Variants in COG7 observed in about 807,000 individuals in gnomAD.
COG7 encodes the protein component of oligomeric golgi complex 7.
COG7 carries 49 observed loss-of-function variants against 91.5 expected under a neutral mutation model. The observed-to-expected ratio is 0.54, with a 90% CI of 0.43 to 0.68. The LOEUF (loss-of-function observed/expected upper bound fraction) is 0.68, where lower values mean the gene tolerates loss of function less well. Ranked by LOEUF, COG7 falls within the 30% of genes least tolerant of loss-of-function variation. The pLI, the probability that COG7 is intolerant of heterozygous loss-of-function variation, is 0.00. For synonymous variants in COG7, 365 were observed against 388.7 expected, an observed-to-expected ratio of 0.94 and a Z score of 0.72; for missense variants, 895 against 961.3, an observed-to-expected ratio of 0.93 and a Z score of 0.91.
chr16:23,444,622 G>A (rs1006094388), intron 3 of COG7, among the ~76,000 whole-genome samples: 1 of 150,624 alleles, frequency 6.6e-6, no homozygotes, highest in Non-Finnish European at 1.5e-5. Flanking sequence ...TCCCACCTCA[G>A]CCTCCTGAGT....
intron 1 of COG7, among the ~76,000 whole-genome samples, chr16:23,448,654 G>A (rs962588385): frequency 2.6e-5 from 4 of 151,936 alleles, no homozygotes; most frequent in Non-Finnish European, 4.4e-5. Context: ...CCTGGACTAC[G>A]CCTTCTTATA....
intron 9 of COG7, chr16:23,416,259 C>T (rs532697280): frequency 3.3e-5 from 5 of 152,540 alleles, no homozygotes; most frequent in Admixed American, 1.3e-4. Flanking sequence ...GAACTCCTGA[C>T]CTCAAGTGAT....
chr16:23,447,978 A>G (rs959940959), intron 1 of COG7, among the ~76,000 whole-genome samples: 5 of 152,128 alleles, frequency 3.3e-5, no homozygotes, highest in African/African-American at 1.2e-4. Context: ...CCAATCCAAC[A>G]CTGGGTCTTG....
In COG7 at chr16:23,392,425, G is replaced by T; in HGVS notation, c.2101C>A (p.Pro701Thr). ...QTYCDAILQI[P>T]ELSPHSAKQL... ...TTGGCAGAGTGTGGGCTCAGCTCAG[G>T]GATCTGTAGGATCGCATCACAGTAG... Residue 701 changes from proline (P) to threonine (T), a missense_variant, in exon 16 of 17, where the codon CCT (proline) becomes ACT (threonine). Coordinates refer to ENST00000307149, the MANE Select transcript of COG7 (RefSeq NM_153603.4). The T allele has an allele frequency of 6.2e-7, 1 of 1,614,176 alleles. No individual in the cohort carries two copies. The highest frequency in any genetic ancestry group is 1.1e-5 in the South Asian group (1 of 91,080).
intron 4 of COG7, among the ~76,000 whole-genome samples, chr16:23,437,821 T>G (rs1445563813): frequency 6.6e-6 from 1 of 152,228 alleles, no homozygotes; most frequent in Non-Finnish European, 1.5e-5. Flanking sequence ...GCACAGTGGC[T>G]CACGCCTGTA....
rs1421130050 is a variant in COG7, at chr16:23,453,181, A to C, written c.-187T>G. The C allele has an allele frequency of 2.5e-5, 34 of 1,343,902 alleles. No individual in the cohort carries two copies. Among genetic ancestry groups the C allele is most frequent in the Middle Eastern group, 2.7e-4 (1 of 3,728 alleles). The allele number at this position is 1,343,902 out of a possible 1,614,324, so 83.2% of individuals were successfully genotyped here. ...CAGCGCACTCAGTTTGCGGCTGGGAATGACCCTCGCCGCCCGCCGTTCTTC... is the reference window on the plus strand; with the variant it reads ...CAGCGCACTCAGTTTGCGGCTGGGACTGACCCTCGCCGCCCGCCGTTCTTC... On this transcript the variant is annotated 5_prime_UTR_variant, in exon 1 of 17. Transcript: ENST00000307149.
chr16:23,390,675 A>G (rs544353046), intron 16 of COG7, among the ~76,000 whole-genome samples: 1 of 152,286 alleles, frequency 6.6e-6, no homozygotes, highest in East Asian at 1.9e-4. Flanking sequence ...TCCTAGGCCC[A>G]AGCGATCCTC....
rs1305354175 is a variant in COG7, at chr16:23,408,929, GAGC to G, written c.1475+1363_1475+1365del. On this transcript the variant is annotated intron_variant, in intron 11 of 16. Transcript: ENST00000307149. Reference sequence around the variant, plus strand: ...GCCCAGAGAGGCTGAAAGCCTGGCTGAGCTTCAAGTCAAGAACAGCCTGGGTGT... The same window carrying G: ...GCCCAGAGAGGCTGAAAGCCTGGCTGTTCAAGTCAAGAACAGCCTGGGTGT... Among the ~76,000 whole-genome samples, 7 of 151,966 alleles carry G rather than the reference GAGC, an allele frequency of 4.6e-5. No homozygotes were observed. In the East Asian group the frequency reaches 1.2e-3, roughly 25 times the overall value.
intron 14 of COG7, chr16:23,393,595 C>T (rs1963235922): frequency 5.7e-6 from 3 of 523,254 alleles, no homozygotes; most frequent in Non-Finnish European, 1.0e-5. Flanking sequence ...GAAATGCATT[C>T]AACACAATCT....
chr16:23,390,125 C>T (rs1303626249), intron 16 of COG7: 2 of 152,238 alleles, frequency 1.3e-5, no homozygotes, highest in East Asian at 3.8e-4. Context: ...AAAGCCTTCT[C>T]CAGCTCCTCC....
intron 3 of COG7, among the ~76,000 whole-genome samples, chr16:23,443,011 G>A (rs1357386961): frequency 1.3e-5 from 2 of 150,146 alleles, no homozygotes; most frequent in African/African-American, 2.5e-5. Flanking sequence ...TCCAGCCTGG[G>A]CAACAGAGAA....
At chr16:23,448,012 T>C (rs1225752203) in intron 1 of COG7, among the ~76,000 whole-genome samples, 2 of 152,142 alleles carry the variant, frequency 1.3e-5, no homozygotes, top group South Asian at 2.1e-4. Flanking sequence ...TTTTAGAACC[T>C]AGAAAAGAGT....
chr16:23,408,399 G>GA (rs1963504212), intron 11 of COG7, among the ~76,000 whole-genome samples: 1 of 94,078 alleles, frequency 1.1e-5, no homozygotes, highest in African/African-American at 4.7e-5. Context: ...GGAGGTAGGG[G>GA]TGAGTGGGGC....
intron 3 of COG7, 149 bp from the exon 4 acceptor site, chr16:23,442,794 C>A: frequency 1.3e-6 from 1 of 742,552 alleles, no homozygotes; most frequent in South Asian, 1.5e-5. Context: ...CCAGCACTTT[C>A]GGAGATTGAG....
At chr16:23,398,556 A>T (rs1211959911) in intron 13 of COG7, among the ~76,000 whole-genome samples, 1 of 152,136 alleles carries the variant, frequency 6.6e-6, no homozygotes, top group Non-Finnish European at 1.5e-5. Flanking sequence ...CCCTAAGGAG[A>T]ACAGGGCACC....
Position 23,432,732 on chromosome 16 carries a change from C to A in COG7, c.810+813G>T, listed in dbSNP as rs114829590. Among the ~76,000 whole-genome samples the A allele has an allele frequency of 6.1e-3, 923 of 152,266 alleles. 7 individuals carry two copies. Among genetic ancestry groups the A allele is most frequent in the African/African-American group, 0.021 (852 of 41,552 alleles). On this transcript the variant is annotated intron_variant, in intron 6 of 16. Transcript: ENST00000307149. ...AGTTGCCACTTGAAACAAAGTTCCT[C>A]TGTCTCTCCTCACTCCTAGTCAGGG...
At chr16:23,409,064 CGTGTGTGT>C (rs139188327) in intron 11 of COG7, among the ~76,000 whole-genome samples, 2 of 141,406 alleles carry the variant, frequency 1.4e-5, no homozygotes, top group Non-Finnish European at 3.1e-5. Flanking sequence ...AGTGTGCATG[CGTGTGTGT>C]GTGTGTGTGT....
chr16:23,436,456 G>A lies in COG7; in HGVS notation c.605-1738C>T, dbSNP rs144605228. Among the ~76,000 whole-genome samples, 1,425 of 152,176 alleles carry A rather than the reference G, an allele frequency of 9.4e-3. 15 individuals are homozygous for A. The highest frequency in any genetic ancestry group is 0.013 in the Non-Finnish European group (864 of 68,006). On this transcript the variant is annotated intron_variant, in intron 4 of 16. Coordinates refer to ENST00000307149, the MANE Select transcript of COG7 (RefSeq NM_153603.4). ...CCCTTTAAAAACTGTTAGCTAGGCC[G>A]GGTGAGGTGGCTCATGACTATAATC...
At chr16:23,440,073 A>T (rs1164530224) in intron 4 of COG7, among the ~76,000 whole-genome samples, 2 of 128,018 alleles carry the variant, frequency 1.6e-5, no homozygotes, top group Admixed American at 8.8e-5. Context: ...ATATAGCAAG[A>T]CCCCATCTAT....
Sources: gnomAD v4.1 joint callset for allele counts (sites outside exome capture counted in the v4.1 genomes callset) on GRCh38, gnomAD v4.1.1 for gene constraint, MANE v1.5 for transcripts, NCBI Gene and HGNC (gene_info 2026-07-23, HGNC 2026-07-21) for gene names.